Variants in ROR1 observed in about 807,000 individuals in gnomAD.
ROR1 encodes inactive tyrosine-protein kinase transmembrane receptor ROR1.
Under a neutral mutation model 78.8 loss-of-function variants are expected in ROR1, and 19 were observed. The ratio of observed to expected loss-of-function variants is 0.24; its 90% CI spans 0.17 to 0.35. The LOEUF is 0.35. ROR1 is among the 10% of genes least tolerant of loss of function. ROR1 has a pLI of 1.00. For missense variants in ROR1, 917 were observed against 1,177.8 expected (o/e 0.78, Z 3.24); for synonymous variants, 386 against 433.6 (o/e 0.89, Z 1.36).
intron 1 of ROR1, among the ~76,000 whole-genome samples, chr1:63,870,396 G>A (rs11208307): frequency 0.23 from 34,760 of 151,988 alleles, 4,418 homozygotes; most frequent in African/African-American, 0.35. Context: ...GAGTTCCCAG[G>A]CTTCATTGTC....
At chr1:63,800,752 A>G (rs1407018880) in intron 1 of ROR1, among the ~76,000 whole-genome samples, 3 of 152,188 alleles carry the variant, frequency 2.0e-5, no homozygotes, top group Non-Finnish European at 4.4e-5. Context: ...TCTGCACATT[A>G]ACATCTGAGA....
At chr1:64,022,742 G>A (rs1015637541) in intron 2 of ROR1, among the ~76,000 whole-genome samples, 26 of 152,124 alleles carry the variant, frequency 1.7e-4, no homozygotes, top group African/African-American at 5.6e-4. Flanking sequence ...TTGAATATAT[G>A]TCTCTTTATT....
intron 2 of ROR1, among the ~76,000 whole-genome samples, chr1:64,044,491 A>T (rs980916177): frequency 3.3e-5 from 5 of 152,208 alleles, no homozygotes; most frequent in Non-Finnish European, 5.9e-5. Context: ...AAGAAAAAAA[A>T]AGCCAATTGC....
At chr1:64,007,377 A>AGTGTGTGTGTGTGTGTGT (rs59753220) in intron 1 of ROR1, among the ~76,000 whole-genome samples, 4 of 146,028 alleles carry the variant, frequency 2.7e-5, no homozygotes, top group East Asian at 2.0e-4. Flanking sequence ...TAATGTTCTG[A>AGTGTGTGTGTGTGTGTGT]GTGTGTGTGT....
intron 1 of ROR1, among the ~76,000 whole-genome samples, chr1:63,995,327 G>A (rs1187435387): frequency 2.6e-5 from 4 of 152,172 alleles, no homozygotes; most frequent in Non-Finnish European, 5.9e-5. Flanking sequence ...ACTTTTGGAT[G>A]TGAGAATATC....
chr1:64,024,824 G>C (rs1439269974), intron 2 of ROR1, among the ~76,000 whole-genome samples: 1 of 152,088 alleles, frequency 6.6e-6, no homozygotes, highest in Non-Finnish European at 1.5e-5. Context: ...AAAATGGTAT[G>C]TCATTGTTAT....
intron 1 of ROR1, among the ~76,000 whole-genome samples, chr1:63,909,854 T>C (rs1645556293): frequency 6.6e-6 from 1 of 152,192 alleles, no homozygotes; most frequent in Non-Finnish European, 1.5e-5. Flanking sequence ...TTTAAAGCAT[T>C]CAAAGGGTTT....
chr1:63,820,401 G>A (rs1644916726), intron 1 of ROR1, among the ~76,000 whole-genome samples: 1 of 152,314 alleles, frequency 6.6e-6, no homozygotes, highest in Admixed American at 6.5e-5. Flanking sequence ...AGTTGTGATT[G>A]CACTGTAGAA....
chr1:64,090,916 T>C (rs375112175), intron 4 of ROR1, among the ~76,000 whole-genome samples: 46 of 152,330 alleles, frequency 3.0e-4, no homozygotes, highest in African/African-American at 1.1e-3. Context: ...AGCATGGGCC[T>C]ATTGTCATCA....
At chr1:64,079,678 C>T (rs2100629516) in intron 4 of ROR1, among the ~76,000 whole-genome samples, 1 of 152,174 alleles carries the variant, frequency 6.6e-6, no homozygotes, top group African/African-American at 2.4e-5. Flanking sequence ...AACGGGGTTT[C>T]ACCATGTTGG....
chr1:63,861,271 C>T (rs1001884109), intron 1 of ROR1, among the ~76,000 whole-genome samples: 8 of 152,300 alleles, frequency 5.3e-5, no homozygotes, highest in African/African-American at 1.2e-4. Flanking sequence ...CACGCTGAGA[C>T]GTGGCTGCCA....
intron 3 of ROR1, 72 bp downstream of exon 3, chr1:64,050,050 GAC>G: frequency 6.5e-7 from 1 of 1,527,226 alleles, no homozygotes; most frequent in East Asian, 2.3e-5. Flanking sequence ...AGTCCACAGG[GAC>G]AGGAAGGAAG....
chr1:63,793,124 T>G (rs1044358700), intron 1 of ROR1, among the ~76,000 whole-genome samples: 5 of 152,160 alleles, frequency 3.3e-5, no homozygotes, highest in African/African-American at 1.2e-4. Flanking sequence ...CAGAGTCTTG[T>G]GGGATGAATG....
chr1:63,847,855 C>T (rs989284654), intron 1 of ROR1, among the ~76,000 whole-genome samples: 20 of 152,054 alleles, frequency 1.3e-4, no homozygotes, highest in Non-Finnish European at 2.1e-4. Context: ...GTCTACTCAT[C>T]GGTTAGATGG....
chr1:64,142,882 G>T (rs1649365206), intron 7 of ROR1: 1 of 1,359,590 alleles, frequency 7.4e-7, no homozygotes, highest in Non-Finnish European at 9.5e-7. Context: ...TTGCACTCAT[G>T]GATGTAACAG....
At position 64,177,440 on chromosome 1, in the gene ROR1, G is replaced by A; in HGVS notation, c.1399G>A (p.Glu467Lys). Residue 467 changes from glutamate to lysine, a missense_variant, in exon 9 of 9, where the codon GAG becomes AAG. Glu to Lys is a moderately conservative substitution (Grantham distance 56, BLOSUM62 1). Transcript: ENST00000371079. ...CTCTTTCATACAGAGCAAGGCTAAA[G>A]AGCTACCTCTTTCTGCTGTACGCTT... ...NAYKPKSKAK[E>K]LPLSAVRFME... 3 of 1,613,420 alleles carry A rather than the reference G, an allele frequency of 1.9e-6. No individual in the cohort carries two copies. The highest frequency in any genetic ancestry group is 1.7e-6 in the Non-Finnish European group (2 of 1,179,750).
rs147339931 is a variant in ROR1 at position 63,794,901 on chromosome 1, G to T, written c.91+20393G>T. The stretch of plus-strand genomic sequence containing the variant: ...CGCACTCATGAAACTGGTGATAGTG[G>T]TGGGGTGCAGTCGTTTGGGGTGGGT... On this transcript the variant is annotated intron_variant, in intron 1 of 8. Transcript: ENST00000371079. 6.4e-4 allele frequency among the ~76,000 whole-genome samples: 97 copies of T among 152,336 alleles called. 1 individual carries two copies. Among genetic ancestry groups the T allele is most frequent in the Non-Finnish European group, 1.2e-3 (81 of 68,022 alleles).
chr1:64,051,401 G>T (rs1423140757), intron 4 of ROR1, among the ~76,000 whole-genome samples: 1 of 151,352 alleles, frequency 6.6e-6, no homozygotes, highest in Non-Finnish European at 1.5e-5. Context: ...AGTGAGCCCA[G>T]ATGGCGCCAC....
At chr1:63,976,037 T>A (rs754515633) in intron 1 of ROR1, among the ~76,000 whole-genome samples, 2 of 152,222 alleles carry the variant, frequency 1.3e-5, no homozygotes, top group African/African-American at 4.8e-5. Context: ...AAACAAAGTC[T>A]ATGGTAGAGC....
Sources: gnomAD v4.1 joint callset for allele counts (sites outside exome capture counted in the v4.1 genomes callset) on GRCh38, gnomAD v4.1.1 for gene constraint, MANE v1.5 for transcripts, NCBI Gene and HGNC (gene_info 2026-07-23, HGNC 2026-07-21) for gene names.